The following CPLANE1 variants were observed in gnomAD, a reference collection of about 807,000 sequenced individuals.
CPLANE1 encodes the protein ciliogenesis and planar polarity effector complex subunit 1.
In CPLANE1, 263 loss-of-function variants were observed where a neutral mutation model predicts 362.5. The ratio of observed to expected loss-of-function variants is 0.73; its 90% CI spans 0.66 to 0.80. The LOEUF is 0.80. Ranked by LOEUF, CPLANE1 falls within the 30% of genes least tolerant of loss-of-function variation. The pLI is 0.00. For missense variants in CPLANE1, 3,461 were observed against 3,793.4 expected (o/e 0.91, Z 2.30); for synonymous variants, 1,212 against 1,302.6 (o/e 0.93, Z 1.50).
Position 37,247,628 on chromosome 5 carries a change from C to A in CPLANE1, c.71G>T (p.Trp24Leu), listed in dbSNP as rs1581081850. 1 of 1,550,546 alleles carries A rather than the reference C, an allele frequency of 6.4e-7. No individual in the cohort carries two copies. The highest frequency in any genetic ancestry group is 8.7e-7 in the Non-Finnish European group (1 of 1,146,366). ...KQKKPWPRVS[W>L]LGKEKEAVFL... is the part of the protein sequence containing the mutation. ...TAAAGAAAAACCTACCTTTCCCAAC[C>A]AGGAGACACGTGGCCATGGTTTTTT... The change falls in exon 2 of 53, where the codon TGG (tryptophan) becomes TTG (leucine). Residue 24 changes from tryptophan to leucine, a missense_variant. Physicochemically the swap from Trp to Leu is moderately conservative, Grantham distance 61. This residue lies in a region of CPLANE1 where 3,380 missense variants were observed against 3,666.1 expected (regional missense o/e 0.92). Coordinates refer to ENST00000651892, the MANE Select transcript of CPLANE1 (RefSeq NM_001384732.1).
chr5:37,247,513 G>T, intron 2 of CPLANE1, 105 bp downstream of exon 2: 1 of 942,112 alleles, frequency 1.1e-6, no homozygotes. Context: ...TCCTCCAGTA[G>T]ATGATGTTTT....
At chr5:37,173,352 TC>T (rs1780313185) in intron 32 of CPLANE1, among the ~76,000 whole-genome samples, 1 of 152,210 alleles carries the variant, frequency 6.6e-6, no homozygotes, top group African/African-American at 2.4e-5. Flanking sequence ...ACTCCCCACC[TC>T]ACTTTTGTGA....
At chr5:37,121,863 A>T in intron 48 of CPLANE1, 79 bp from the exon 49 acceptor site, 1 of 1,182,428 alleles carries the variant, frequency 8.5e-7, no homozygotes, top group Non-Finnish European at 1.2e-6. Flanking sequence ...GTGTTTGAAG[A>T]TCACCTAGCA....
intron 43 of CPLANE1, among the ~76,000 whole-genome samples, chr5:37,144,127 C>T (rs957712165): frequency 2.0e-5 from 3 of 150,942 alleles, no homozygotes; most frequent in African/African-American, 4.9e-5. Context: ...AAAAGAAATA[C>T]GGTCAGGCAC....
rs1370715094 is a variant in CPLANE1, at chr5:37,169,498, T to C, written c.6526A>G (p.Ile2176Val). The C allele has an allele frequency of 6.2e-7, 1 of 1,614,000 alleles. No individual in the cohort carries two copies. Among genetic ancestry groups the C allele is most frequent in the Non-Finnish European group, 8.5e-7 (1 of 1,179,976 alleles). Residue 2176 changes from isoleucine (I) to valine (V), a missense_variant, in exon 34 of 53, where the codon ATT (isoleucine) becomes GTT (valine). By Grantham distance (29) the Ile-to-Val change is conservative. Coordinates refer to ENST00000651892, the MANE Select transcript of CPLANE1 (RefSeq NM_001384732.1). ...GATGGTAAGTTTTGAGATGATGGAATTGGTCCTTTTTTCCGGGGCTGGCCA... is the reference window on the plus strand; with the variant it reads ...GATGGTAAGTTTTGAGATGATGGAACTGGTCCTTTTTTCCGGGGCTGGCCA... The part of the protein sequence containing the change: ...LNGQPRKKGP[I>V]PSSQNLPSTS...
chr5:37,121,636 G>A lies in CPLANE1; in HGVS notation c.9166C>T (p.His3056Tyr). 1 of 1,614,178 alleles carries A rather than the reference G, an allele frequency of 6.2e-7. No individual in the cohort carries two copies. The highest frequency in any genetic ancestry group is 8.5e-7 in the Non-Finnish European group (1 of 1,180,010). The change falls in exon 49 of 53, where the codon CAC becomes TAC. Residue 3056 changes from histidine (H) to tyrosine (Y), a missense_variant. By Grantham distance (83) the His-to-Tyr change is moderately conservative. Around this residue, in one of 2 missense-constraint regions of CPLANE1, gnomAD observed 3,380 missense variants for 3,666.1 expected, o/e 0.92. Coordinates refer to ENST00000651892, the MANE Select transcript of CPLANE1 (RefSeq NM_001384732.1). ...TCTTACCCTCTTGGAGAAGGGCAGT[G>A]TTGACAACTGGAAGACTGAGTAGGG... Reference protein sequence around the residue: ...PSPTQSSSCQHCPSPRGENQH... With the variant: ...PSPTQSSSCQYCPSPRGENQH...
At chr5:37,206,955 A>G (rs1340211298) in intron 16 of CPLANE1, among the ~76,000 whole-genome samples, 1 of 152,030 alleles carries the variant, frequency 6.6e-6, no homozygotes, top group East Asian at 1.9e-4. Flanking sequence ...GCAATAAAAG[A>G]CTAAGTTGAG....
intron 8 of CPLANE1, among the ~76,000 whole-genome samples, chr5:37,234,289 G>A (rs779816804): frequency 2.0e-5 from 3 of 150,838 alleles, no homozygotes; most frequent in African/African-American, 4.9e-5. Context: ...TACCGATTTT[G>A]AAGAAGCTCA....
rs377142277 is a variant in CPLANE1 at position 37,121,739 on chromosome 5, G to A, written c.9063C>T (p.Tyr3021=). The A allele has an allele frequency of 7.5e-5, 121 of 1,613,810 alleles. No individual in the cohort carries two copies. In the East Asian group the frequency reaches 1.4e-3, roughly 19 times the overall value. ...CAGATAACAGTTCATTCATCAGACC[G>A]TACGCTTGTGAGATTCGACGACTAT... ...EHYSRRISQA[Y]GLMNELLSES... The change falls in exon 49 of 53, where the codon TAC becomes TAT. Residue 3021 remains tyrosine, a synonymous_variant. Transcript: ENST00000651892.
At chr5:37,109,428 C>A (rs1171882268) in intron 51 of CPLANE1, among the ~76,000 whole-genome samples, 1 of 152,182 alleles carries the variant, frequency 6.6e-6, no homozygotes, top group Non-Finnish European at 1.5e-5. Context: ...TTCTAACACA[C>A]CTCTGCTCTC....
chr5:37,213,327 A>G (rs780746477), intron 16 of CPLANE1, among the ~76,000 whole-genome samples: 2 of 152,166 alleles, frequency 1.3e-5, no homozygotes, highest in Non-Finnish European at 2.9e-5. Flanking sequence ...AAAACTTTAT[A>G]AAGATCAACT....
chr5:37,214,689 CTG>C (rs1793551537), intron 15 of CPLANE1, among the ~76,000 whole-genome samples: 2 of 152,208 alleles, frequency 1.3e-5, no homozygotes, highest in Admixed American at 1.3e-4. Flanking sequence ...GCTTAAAATA[CTG>C]TGTGATGCTA....
At chr5:37,239,665 TA>T (rs562299747) in intron 7 of CPLANE1, 47 bp downstream of exon 7, 138 of 1,253,400 alleles carry the variant, frequency 1.1e-4, no homozygotes, top group Non-Finnish European at 1.3e-4. Context: ...AAAACTGGAA[TA>T]AACTCCTTCT....
chr5:37,106,125 A>G (rs1304527438), downstream of CPLANE1: 3 of 152,328 alleles, frequency 2.0e-5, no homozygotes, highest in East Asian at 3.9e-4. Context: ...GCAGCTATGG[A>G]AAACAGTATG....
intron 16 of CPLANE1, chr5:37,210,869 C>G (rs1005007718): frequency 2.5e-6 from 2 of 805,708 alleles, no homozygotes. Flanking sequence ...AGTTCGAAAG[C>G]CGCAAACAAG....
At chr5:37,221,247 G>T (rs1795289807) in intron 15 of CPLANE1, 77 bp downstream of exon 15, 1 of 903,896 alleles carries the variant, frequency 1.1e-6, no homozygotes, top group Non-Finnish European at 1.6e-6. Context: ...TGAGCTCAGG[G>T]GTTTGAAGCC....
At chr5:37,098,873 A>G in the CPLANE1 span, among the ~76,000 whole-genome samples, 1 of 151,300 alleles carries the variant, frequency 6.6e-6, no homozygotes, top group Non-Finnish European at 1.5e-5. Flanking sequence ...CCTATGGAAC[A>G]CAGCAAAAGC....
At chr5:37,167,016 A>G in intron 35 of CPLANE1, 31 bp downstream of exon 35, 2 of 1,527,818 alleles carry the variant, frequency 1.3e-6, no homozygotes, top group Non-Finnish European at 1.8e-6. Flanking sequence ...GATATATGAT[A>G]TTATCAAATA....
At chr5:37,179,286 G>T in intron 29 of CPLANE1, 75 bp downstream of exon 29, 1 of 953,406 alleles carries the variant, frequency 1.0e-6, no homozygotes, top group Non-Finnish European at 1.6e-6. Context: ...TAATAACAAT[G>T]AATAAAAACA....
Sources: gnomAD v4.1 joint callset for allele counts (sites outside exome capture counted in the v4.1 genomes callset) on GRCh38, gnomAD v4.1.1 for gene constraint, gnomAD v4.1.1 regional missense constraint, MANE v1.5 for transcripts, NCBI Gene and HGNC (gene_info 2026-07-23, HGNC 2026-07-21) for gene names.